CELF3: variants seen among roughly 807,000 people sequenced by gnomAD.
CELF3 encodes the protein CAG repeat domain.
Under a neutral mutation model 59.6 loss-of-function variants are expected in CELF3, and 26 were observed. The observed-to-expected ratio is 0.44, with a 90% CI of 0.32 to 0.61. CELF3 has a LOEUF of 0.61. CELF3 is among the 20% of genes least tolerant of loss of function. The pLI, the probability that CELF3 is intolerant of heterozygous loss-of-function variation, is 0.06. For synonymous variants in CELF3, 245 were observed against 250.7 expected (o/e 0.98, Z 0.22); for missense variants, 387 against 627.2 (o/e 0.62, Z 4.09).
intron 2 of CELF3, chr1:151,711,015 T>C: frequency 5.5e-6 from 2 of 366,466 alleles, no homozygotes; most frequent in South Asian, 4.1e-5. Flanking sequence ...ACCAGAAAAA[T>C]TAAACCTCAA....
intron 12 of CELF3, among the ~76,000 whole-genome samples, chr1:151,704,150 C>T (rs1019761319): frequency 1.3e-5 from 2 of 151,814 alleles, no homozygotes; most frequent in African/African-American, 4.8e-5. Context: ...AGCAGGGGTC[C>T]GGGGATGGGG....
chr1:151,707,487 C>G lies in CELF3; in HGVS notation c.772+20G>C. ...CCCTACCATGCTTAGCTCCCTTGCCCGGCCTTGCCCAGGCCATACCTGAGG... is the reference window on the plus strand; with the variant it reads ...CCCTACCATGCTTAGCTCCCTTGCCGGGCCTTGCCCAGGCCATACCTGAGG... On this transcript the variant is annotated intron_variant, in intron 7 of 12. Coordinates refer to ENST00000290583, the MANE Select transcript of CELF3 (RefSeq NM_007185.7). 6.2e-7 allele frequency: 1 copy of G among 1,609,174 alleles called. No individual in the cohort carries two copies. Among genetic ancestry groups the G allele is most frequent in the African/African-American group, 1.3e-5 (1 of 74,992 alleles).
rs1284083407 is a variant in CELF3, at chr1:151,703,182, C to G, written c.*277G>C. Reference sequence around the variant, plus strand: ...ACAGGAGCCCAGCAGAAGGCAGATACCCCGGAGCCTTCGAGCCTGTTCCTC... The same window carrying G: ...ACAGGAGCCCAGCAGAAGGCAGATAGCCCGGAGCCTTCGAGCCTGTTCCTC... On this transcript the variant is annotated 3_prime_UTR_variant, in exon 13 of 13. Transcript: ENST00000290583. The G allele has an allele frequency of 2.2e-6, 1 of 459,798 alleles. No homozygotes were observed. Among genetic ancestry groups the G allele is most frequent in the Non-Finnish European group, 4.4e-6 (1 of 228,948 alleles). The allele number at this position is 459,798 out of a possible 1,614,324, so 28.5% of individuals were successfully genotyped here. A position where few individuals can be genotyped will look rare whatever the true frequency, so the allele number is the denominator to read the frequency against.
At position 151,714,293 on chromosome 1, in the gene CELF3, C is replaced by T. The variant is rs922077117; in HGVS notation, c.228+301G>A. 1.9e-5 allele frequency: 11 copies of T among 580,200 alleles called. No individual in the cohort carries two copies. In the African/African-American group the frequency reaches 2.1e-4, roughly 11 times the overall value. 35.9% of individuals were successfully genotyped at this position (580,200 alleles called of 1,614,324 possible). A position where few individuals can be genotyped will look rare whatever the true frequency, so the allele number is the denominator to read the frequency against. On this transcript the variant is annotated intron_variant, in intron 2 of 12. Transcript: ENST00000290583. ...TGGTGTCCAGAGACTTTTCCCCACA[C>T]CTTCCAACCAGCGAGTCCTCCCTCT...
chr1:151,706,586 A>G (rs755696605), intron 9 of CELF3, 83 bp downstream of exon 9: 58 of 1,428,608 alleles, frequency 4.1e-5, no homozygotes, highest in Non-Finnish European at 5.3e-5. Context: ...CAGGGAGCCA[A>G]GAAGCCCAGA....
intron 5 of CELF3, chr1:151,708,140 T>C (rs374029309): frequency 3.7e-6 from 2 of 535,028 alleles, no homozygotes; most frequent in East Asian, 3.1e-5. Context: ...GAAGAAAAAA[T>C]GAGGAATGTG....
In CELF3 at chr1:151,703,397, G is replaced by A; in HGVS notation, c.*62C>T. 4 of 395,454 alleles carry A rather than the reference G, an allele frequency of 1.0e-5. No individual in the cohort carries two copies. Among genetic ancestry groups the A allele is most frequent in the South Asian group, 3.6e-5 (2 of 55,268 alleles). The allele number at this position is 395,454 out of a possible 1,614,324, so 24.5% of individuals were successfully genotyped here. ...GGGCAGGTGTGCGGAGAGGGCCGGG[G>A]CCAGTCGTGGGAAGAGGGTGTGAGG... On this transcript the variant is annotated 3_prime_UTR_variant, in exon 13 of 13. Transcript: ENST00000290583.
In CELF3 at chr1:151,706,270, C is replaced by CTGT. The variant is rs1558098936; in HGVS notation, c.1077_1079dup (p.Gln373dup). On this transcript the variant is annotated inframe_insertion, in exon 10 of 13. Transcript: ENST00000290583. ...GTTGCTGCTGCTGCTGCTGCTGCTG[C>CTGT]TGTTGAGGTGGTGGTGGGGGCTGCT... 6.3e-7 allele frequency: 1 copy of CTGT among 1,582,664 alleles called. No homozygotes were observed. Among genetic ancestry groups the CTGT allele is most frequent in the Non-Finnish European group, 8.6e-7 (1 of 1,164,910 alleles).
In CELF3 at chr1:151,707,538, G is replaced by A. The variant is rs1182627912; in HGVS notation, c.741C>T (p.Gly247=). ...MQHMAAINAN[G]LIATPITPSS... ...ATGGGGTGATGGGGGTGGCGATGAGGCCATTGGCATTGATGGCAGCCATGT... is the reference window on the plus strand; with the variant it reads ...ATGGGGTGATGGGGGTGGCGATGAGACCATTGGCATTGATGGCAGCCATGT... Residue 247 remains glycine (G), a synonymous_variant, in exon 7 of 13, where the codon GGC becomes GGT. Transcript: ENST00000290583. The A allele has an allele frequency of 6.2e-7, 1 of 1,610,532 alleles. No homozygotes were observed. Among genetic ancestry groups the A allele is most frequent in the Non-Finnish European group, 8.5e-7 (1 of 1,179,820 alleles).
In CELF3 at chr1:151,700,772, A is replaced by C. The variant is rs995571788; in HGVS notation, c.*2687T>G. ...CATTGAGTTTATGCGAAAGTACTAA[A>C]AACTCTTGAGGTTTTCTGTCTATGT... On this transcript the variant is annotated 3_prime_UTR_variant, in exon 13 of 13. Coordinates refer to ENST00000290583, the MANE Select transcript of CELF3 (RefSeq NM_007185.7). 3.3e-5 allele frequency among the ~76,000 whole-genome samples: 5 copies of C among 152,364 alleles called. No homozygotes were observed. Among genetic ancestry groups the C allele is most frequent in the Admixed American group, 2.6e-4 (4 of 15,304 alleles).
rs373114126 is a variant in CELF3 at position 151,702,984 on chromosome 1, T to G, written c.*475A>C. On this transcript the variant is annotated 3_prime_UTR_variant, in exon 13 of 13. Coordinates refer to ENST00000290583, the MANE Select transcript of CELF3 (RefSeq NM_007185.7). ...GGGATATCCTACCTCTAGCTGAGGG[T>G]GGAGGGGAGTGAGAGCCAGCTTCCA... 2 of 344,060 alleles carry G rather than the reference T, an allele frequency of 5.8e-6. No homozygotes were observed. Among genetic ancestry groups the G allele is most frequent in the African/African-American group, 4.3e-5 (2 of 46,326 alleles). 21.3% of individuals were successfully genotyped at this position (344,060 alleles called of 1,614,324 possible).
chr1:151,704,253 CAG>C (rs896847128), intron 12 of CELF3, among the ~76,000 whole-genome samples: 1 of 151,990 alleles, frequency 6.6e-6, no homozygotes, highest in Admixed American at 6.6e-5. Context: ...AGGGGAGAAA[CAG>C]AAAATGTGGG....
intron 12 of CELF3, among the ~76,000 whole-genome samples, chr1:151,704,157 G>C (rs1260172627): frequency 1.3e-5 from 2 of 152,084 alleles, no homozygotes; most frequent in Non-Finnish European, 2.9e-5. Flanking sequence ...GTCCGGGGAT[G>C]GGGGCTTCGG....
intron 5 of CELF3, 179 bp from the exon 6 acceptor site, chr1:151,708,114 G>C: frequency 3.1e-6 from 2 of 636,220 alleles, no homozygotes; most frequent in South Asian, 2.3e-5. Flanking sequence ...CCTATGCTAG[G>C]ATGTGCAAGA....
rs1446423467 is a variant in CELF3 at position 151,703,222 on chromosome 1, G to C, written c.*237C>G. 2.2e-6 allele frequency: 1 copy of C among 457,988 alleles called. No homozygotes were observed. The highest frequency in any genetic ancestry group is 1.5e-5 in the South Asian group (1 of 64,608). 28.4% of individuals were successfully genotyped at this position (457,988 alleles called of 1,614,324 possible). On this transcript the variant is annotated 3_prime_UTR_variant, in exon 13 of 13. Transcript: ENST00000290583. ...GCCTGTTCCTCGCTCCCTCACAAAGGCCAAAAGGGCATCTAGGAGGAAATG... is the reference window on the plus strand; with the variant it reads ...GCCTGTTCCTCGCTCCCTCACAAAGCCCAAAAGGGCATCTAGGAGGAAATG...
chr1:151,702,008 G>A lies in CELF3; in HGVS notation c.*1451C>T, dbSNP rs867841862. Among the ~76,000 whole-genome samples, 2 of 152,208 alleles carry A rather than the reference G, an allele frequency of 1.3e-5. No individual in the cohort carries two copies. Among genetic ancestry groups the A allele is most frequent in the African/African-American group, 2.4e-5 (1 of 41,444 alleles). On this transcript the variant is annotated 3_prime_UTR_variant, in exon 13 of 13. Coordinates refer to ENST00000290583, the MANE Select transcript of CELF3 (RefSeq NM_007185.7). The stretch of plus-strand genomic sequence containing the variant: ...ATGAGGAAATGCACAATAAGGACTT[G>A]GAACAGAATCACATATGGAGCAGTG...
At position 151,716,046 on chromosome 1, in the gene CELF3, A is replaced by AG. The variant is rs1558113871; in HGVS notation, c.-27dup. The AG allele has an allele frequency of 6.3e-7, 1 of 1,594,298 alleles. No individual in the cohort carries two copies. The highest frequency in any genetic ancestry group is 1.7e-5 in the Admixed American group (1 of 58,296). Reference sequence around the variant, plus strand: ...TGAGGCGGCCCAGGAGGAGGGGCCGAGGGGAGCAGGGAGAGGCCCAAAGGC... The same window carrying AG: ...TGAGGCGGCCCAGGAGGAGGGGCCGAGGGGGAGCAGGGAGAGGCCCAAAGGC... On this transcript the variant is annotated 5_prime_UTR_variant, in exon 1 of 13. Coordinates refer to ENST00000290583, the MANE Select transcript of CELF3 (RefSeq NM_007185.7).
At position 151,708,623 on chromosome 1, in the gene CELF3, G is replaced by C. The variant is rs1380515133; in HGVS notation, c.486+375C>G. ...GACTGGTCACTGACCTAACGCTGCT[G>C]TGCAGGGGCAGGGAAGAGGGGTGCA... On this transcript the variant is annotated intron_variant, in intron 5 of 12. Coordinates refer to ENST00000290583, the MANE Select transcript of CELF3 (RefSeq NM_007185.7). 3.9e-5 allele frequency among the ~76,000 whole-genome samples: 6 copies of C among 152,280 alleles called. No individual in the cohort carries two copies. In the East Asian group the frequency reaches 9.7e-4, roughly 25 times the overall value.
In CELF3 at chr1:151,702,989, G is replaced by T; in HGVS notation, c.*470C>A. 1 of 353,228 alleles carries T rather than the reference G, an allele frequency of 2.8e-6. No individual in the cohort carries two copies. The highest frequency in any genetic ancestry group is 5.6e-6 in the Non-Finnish European group (1 of 177,504). The allele number at this position is 353,228 out of a possible 1,614,324, so 21.9% of individuals were successfully genotyped here. Reference sequence around the variant, plus strand: ...ATCCTACCTCTAGCTGAGGGTGGAGGGGAGTGAGAGCCAGCTTCCAAGAAA... The same window carrying T: ...ATCCTACCTCTAGCTGAGGGTGGAGTGGAGTGAGAGCCAGCTTCCAAGAAA... On this transcript the variant is annotated 3_prime_UTR_variant, in exon 13 of 13. Transcript: ENST00000290583.
Sources: allele counts gnomAD v4.1 joint callset (sites outside exome capture counted in the v4.1 genomes callset), GRCh38; gene constraint gnomAD v4.1.1; transcripts MANE v1.5; gene names NCBI Gene and HGNC (gene_info 2026-07-23, HGNC 2026-07-21).